The following RBM44 variants were observed in gnomAD, a reference collection of about 807,000 sequenced individuals.
RBM44 encodes the protein RNA-binding protein 44.
A neutral mutation model predicts 105.1 loss-of-function variants in RBM44; 66 were observed. The observed-to-expected ratio is 0.63, with a 90% confidence interval of 0.52 to 0.77. RBM44 has a LOEUF of 0.77. RBM44 is among the 30% of genes least tolerant of loss of function. The pLI is 0.00. For synonymous variants in RBM44, 365 were observed against 417.6 expected, an observed-to-expected ratio of 0.87 and a Z score of 1.54; for missense variants, 1,122 against 1,207.8, an observed-to-expected ratio of 0.93 and a Z score of 1.05.
Position 237,831,711 on chromosome 2 carries a change from A to G in RBM44, c.2886+2209A>G, listed in dbSNP as rs182670194. ...ATTTTACCTCAACGGCCCTTTTCAT[A>G]AGGCACTAGTGACCTTTTATTTGTC... On this transcript the variant is annotated intron_variant, in intron 13 of 15. Coordinates refer to ENST00000316997, the MANE Select transcript of RBM44 (RefSeq NM_001080504.3). 9.9e-5 allele frequency among the ~76,000 whole-genome samples: 15 copies of G among 152,222 alleles called. No individual in the cohort carries two copies. In the East Asian group the frequency reaches 2.9e-3, roughly 29 times the overall value.
At chr2:237,820,508 G>A (rs868666518) in intron 5 of RBM44, 157 bp downstream of exon 5, 86 of 483,064 alleles carry the variant, frequency 1.8e-4, no homozygotes, top group African/African-American at 1.6e-3. Flanking sequence ...GAACCCTTGA[G>A]TTTCATGGAG....
At chr2:237,838,354 G>T (rs555896519) in intron 15 of RBM44, among the ~76,000 whole-genome samples, 4 of 152,128 alleles carry the variant, frequency 2.6e-5, no homozygotes, top group Non-Finnish European at 5.9e-5. Flanking sequence ...AAGATAATTT[G>T]TTACTTTAGA....
rs1469431023 is a variant in RBM44 at position 237,842,571 on chromosome 2, C to T, written c.*755C>T. 2.0e-5 allele frequency: 3 copies of T among 151,894 alleles called. No individual in the cohort carries two copies. The highest frequency in any genetic ancestry group is 4.4e-5 in the Non-Finnish European group (3 of 67,910). The allele number at this position is 151,894 out of a possible 1,614,324, so 9.4% of individuals were successfully genotyped here. Reference sequence around the variant, plus strand: ...CAATTTTCAAAGGCTGATTTTATGCCTTATCTGATAGAAATATAGAATAGA... The same window carrying T: ...CAATTTTCAAAGGCTGATTTTATGCTTTATCTGATAGAAATATAGAATAGA... On this transcript the variant is annotated 3_prime_UTR_variant, in exon 16 of 16. Transcript: ENST00000316997.
At chr2:237,811,389 C>G (rs932518841) in intron 1 of RBM44, among the ~76,000 whole-genome samples, 3 of 152,134 alleles carry the variant, frequency 2.0e-5, no homozygotes, top group African/African-American at 7.2e-5. Context: ...TCACCCCAAC[C>G]TCCTGAGTAG....
At chr2:237,834,953 C>T in intron 15 of RBM44, 1 of 152,406 alleles carries the variant, frequency 6.6e-6, no homozygotes, top group Non-Finnish European at 1.5e-5. Flanking sequence ...GTCGCAGATA[C>T]TGCAATTTTT....
At chr2:237,809,700 T>C (rs2061637198) in intron 1 of RBM44, among the ~76,000 whole-genome samples, 1 of 152,250 alleles carries the variant, frequency 6.6e-6, no homozygotes, top group African/African-American at 2.4e-5. Context: ...ATTCTGATGA[T>C]TCCCAAATTT....
At chr2:237,833,066 A>G (rs2061918497) in intron 13 of RBM44, among the ~76,000 whole-genome samples, 1 of 152,244 alleles carries the variant, frequency 6.6e-6, no homozygotes, top group South Asian at 2.1e-4. Flanking sequence ...TTCAACTGTC[A>G]CTTAAACTAT....
intron 12 of RBM44, among the ~76,000 whole-genome samples, chr2:237,828,947 C>T (rs534070043): frequency 2.0e-4 from 31 of 152,090 alleles, no homozygotes; most frequent in Non-Finnish European, 2.8e-4. Flanking sequence ...ATATTAGCTT[C>T]GCAAATATTT....
chr2:237,833,928 A>G, intron 13 of RBM44, 69 bp from the exon 14 acceptor site: 1 of 727,328 alleles, frequency 1.4e-6, no homozygotes. Flanking sequence ...ATTATTGTTG[A>G]ATAAGCGGTA....
chr2:237,804,015 G>A (rs140878087), intron 1 of RBM44, among the ~76,000 whole-genome samples: 21 of 152,068 alleles, frequency 1.4e-4, no homozygotes, highest in African/African-American at 3.4e-4. Flanking sequence ...GACTACAAGC[G>A]TGTGCCACCA....
chr2:237,809,388 CT>C (rs916925181), intron 1 of RBM44, among the ~76,000 whole-genome samples: 5 of 152,072 alleles, frequency 3.3e-5, no homozygotes, highest in East Asian at 3.9e-4. Flanking sequence ...TGTCTCCTTT[CT>C]TTGTTTCCCT....
Position 237,817,430 on chromosome 2 carries a change from A to G in RBM44, c.511A>G (p.Ser171Gly). The G allele has an allele frequency of 6.3e-7, 1 of 1,599,128 alleles. No individual in the cohort carries two copies. The highest frequency in any genetic ancestry group is 8.5e-7 in the Non-Finnish European group (1 of 1,171,946). The stretch of plus-strand genomic sequence containing the variant: ...TATTTCAGATGCTAATTATAGAGAA[A>G]GTGCTGAAGATACACAAAAGCATGA... ...YNISDANYRE[S>G]AEDTQKHDTD... Residue 171 changes from serine to glycine, a missense_variant, in exon 3 of 16, where the codon AGT becomes GGT. Around this residue, in one of 3 missense-constraint regions of RBM44, gnomAD observed 918 missense variants for 955.3 expected, o/e 0.96. Transcript: ENST00000316997.
intron 13 of RBM44, 148 bp from the exon 14 acceptor site, chr2:237,833,849 G>T (rs2061927783): frequency 2.5e-6 from 1 of 405,038 alleles, no homozygotes; most frequent in Non-Finnish European, 4.2e-6. Flanking sequence ...AATGCAATTG[G>T]TATAAACAAT....
intron 1 of RBM44, among the ~76,000 whole-genome samples, chr2:237,800,336 T>C (rs1013074376): frequency 6.6e-6 from 1 of 152,214 alleles, no homozygotes; most frequent in African/African-American, 2.4e-5. Flanking sequence ...TGTTCAGTTG[T>C]AAGAGTTTTT....
At chr2:237,839,823 G>A (rs1226623756) in intron 15 of RBM44, among the ~76,000 whole-genome samples, 1 of 152,068 alleles carries the variant, frequency 6.6e-6, no homozygotes, top group Non-Finnish European at 1.5e-5. Context: ...AACATCAAAG[G>A]ACACTATCAA....
intron 1 of RBM44, among the ~76,000 whole-genome samples, chr2:237,800,566 T>G (rs2061535200): frequency 6.6e-6 from 1 of 152,222 alleles, no homozygotes; most frequent in Non-Finnish European, 1.5e-5. Context: ...CTCACCAATT[T>G]TTTGAAAATA....
Position 237,813,687 on chromosome 2 carries a change from G to C in RBM44, c.73+5G>C. ...ATGGAGGCAACCTCCAAAAAGGTAAGGGTCTAGTCCACTTACCCTTATTCT... is the reference window on the plus strand; with the variant it reads ...ATGGAGGCAACCTCCAAAAAGGTAACGGTCTAGTCCACTTACCCTTATTCT... On this transcript the variant is annotated splice_donor_5th_base_variant and intron_variant, in intron 2 of 15. Transcript: ENST00000316997. 1 of 1,588,182 alleles carries C rather than the reference G, an allele frequency of 6.3e-7. No individual in the cohort carries two copies. Among genetic ancestry groups the C allele is most frequent in the South Asian group, 1.1e-5 (1 of 90,510 alleles).
At chr2:237,836,766 G>A (rs1473466319) in intron 15 of RBM44, among the ~76,000 whole-genome samples, 2 of 146,040 alleles carry the variant, frequency 1.4e-5, no homozygotes, top group Admixed American at 6.9e-5. Context: ...GCGACAGAGC[G>A]AGACTCCGTC....
intron 2 of RBM44, among the ~76,000 whole-genome samples, chr2:237,814,916 T>C (rs548277620): frequency 6.9e-6 from 1 of 144,228 alleles, no homozygotes; most frequent in Admixed American, 7.2e-5. Flanking sequence ...ACACACACAA[T>C]TAGAATAAAT....
Sources: allele counts gnomAD v4.1 joint callset (sites outside exome capture counted in the v4.1 genomes callset), GRCh38; gene constraint gnomAD v4.1.1; regional missense constraint gnomAD v4.1.1; transcripts MANE v1.5; gene names NCBI Gene and HGNC (gene_info 2026-07-23, HGNC 2026-07-21).